ZGRF1: variants seen among roughly 807,000 people sequenced by gnomAD.
ZGRF1 encodes the protein 5'-3' DNA helicase ZGRF1.
A neutral mutation model predicts 203.5 loss-of-function variants in ZGRF1; 196 were observed. The observed-to-expected ratio is 0.96, with a 90% CI of 0.86 to 1.08. The LOEUF is 1.08. ZGRF1 is among the 50% of genes least tolerant of loss of function. The probability of loss-of-function intolerance (pLI) is 0.00; values close to 1 mark genes in which losing one functional copy is unlikely to be tolerated. For missense variants in ZGRF1, 2,326 were observed against 2,416.3 expected (o/e 0.96, Z 0.78); for synonymous variants, 809 against 841.3 (o/e 0.96, Z 0.66).
rs748122325 is a variant in ZGRF1 at position 112,584,007 on chromosome 4, T to C, written c.4269A>G (p.Pro1423=). ...IGLYLRSQKI[P]LYEECQLLVR... ...CCAAAAGCTGGCATTCCTCATAAAG[T>C]GGTATCTTTTGACTTCTTAAATATA... is the stretch of plus-strand genomic sequence containing the variant. The change falls in exon 15 of 28, where the codon CCA becomes CCG. Residue 1423 remains proline, a synonymous_variant. Transcript: ENST00000505019. The C allele has an allele frequency of 1.2e-6, 2 of 1,607,772 alleles. No individual in the cohort carries two copies. Among genetic ancestry groups the C allele is most frequent in the Non-Finnish European group, 1.7e-6 (2 of 1,178,152 alleles).
intron 2 of ZGRF1, among the ~76,000 whole-genome samples, chr4:112,632,906 ATT>A (rs935318381): frequency 7.2e-5 from 11 of 152,240 alleles, no homozygotes; most frequent in African/African-American, 2.7e-4. Flanking sequence ...AAAAGTGATG[ATT>A]TTGTGTAACA....
chr4:112,565,242 C>A, intron 16 of ZGRF1: 4 of 1,593,820 alleles, frequency 2.5e-6, no homozygotes, highest in South Asian at 2.2e-5. Context: ...ATCTGCACTT[C>A]CAGAGCGCAG....
chr4:112,609,284 AC>A, intron 8 of ZGRF1, 94 bp downstream of exon 8: 1 of 446,494 alleles, frequency 2.2e-6, no homozygotes, highest in Non-Finnish European at 4.1e-6. Context: ...CTATCTCCTG[AC>A]CTTGTGATCC....
intron 2 of ZGRF1, among the ~76,000 whole-genome samples, chr4:112,632,587 T>C (rs548306113): frequency 5.3e-5 from 8 of 152,378 alleles, no homozygotes; most frequent in African/African-American, 7.2e-5. Context: ...AATCTGAATG[T>C]AGAAGAAACA....
chr4:112,565,285 T>C lies in ZGRF1; in HGVS notation c.4439-2011A>G, dbSNP rs796548945. 10 of 1,541,528 alleles carry C rather than the reference T, an allele frequency of 6.5e-6. No individual in the cohort carries two copies. The African/African-American group carries it at 1.1e-4, about 17-fold the overall frequency. On this transcript the variant is annotated intron_variant, in intron 16 of 27. Transcript: ENST00000505019. ...TGCTTTGCAGGAGGCAAGTGAGGCC[T>C]ATCTGGTTGGCCTTTTTGAAGACAC...
intron 3 of ZGRF1, among the ~76,000 whole-genome samples, chr4:112,625,704 C>T (rs1306435357): frequency 2.6e-5 from 4 of 151,748 alleles, no homozygotes; most frequent in African/African-American, 4.8e-5. Context: ...CGAGACCAGC[C>T]TGACCAACAC....
At chr4:112,544,972 C>A (rs1251989248) in intron 24 of ZGRF1, among the ~76,000 whole-genome samples, 1 of 152,046 alleles carries the variant, frequency 6.6e-6, no homozygotes, top group Non-Finnish European at 1.5e-5. Context: ...TTATCTCAAA[C>A]CATGTACAAA....
At chr4:112,634,940 A>C (rs574656527) in intron 1 of ZGRF1, among the ~76,000 whole-genome samples, 1 of 151,252 alleles carries the variant, frequency 6.6e-6, no homozygotes, top group South Asian at 2.1e-4. Flanking sequence ...GACCAGCCTG[A>C]CCAACATGGT....
At chr4:112,604,726 T>C (rs1487190505) in intron 9 of ZGRF1, among the ~76,000 whole-genome samples, 3 of 152,194 alleles carry the variant, frequency 2.0e-5, no homozygotes, top group Admixed American at 6.5e-5. Flanking sequence ...AATGTAGACA[T>C]GTTCCTTAGA....
chr4:112,581,867 T>A, intron 15 of ZGRF1, 65 bp from the exon 16 acceptor site: 1 of 789,920 alleles, frequency 1.3e-6, no homozygotes, highest in Non-Finnish European at 1.8e-6. Flanking sequence ...TGAAAATCTT[T>A]AAAATACAGT....
Position 112,593,556 on chromosome 4 carries a change from T to C in ZGRF1, c.2977-3682A>G, listed in dbSNP as rs547124726. Among the ~76,000 whole-genome samples, 13 of 152,332 alleles carry C rather than the reference T, an allele frequency of 8.5e-5. No homozygotes were observed. The East Asian group carries it at 2.5e-3, about 29-fold the overall frequency. ...TTCTGAACCTGGCCTGAAGACTCTA[T>C]GTCTATGTCTGGCCCAGCTGACCTG... On this transcript the variant is annotated intron_variant, in intron 10 of 27. Transcript: ENST00000505019.
rs751896334 is a variant in ZGRF1 at position 112,539,628 on chromosome 4, T to C, written c.6234A>G (p.Lys2078=). The stretch of plus-strand genomic sequence containing the variant: ...CTTCCACTTGTTTTTCAAAATAATC[T>C]TTAAGGAGATGGTTCAGCTGTGGTT... The part of the protein sequence containing the change: ...QYEPQLNHLL[K]DYFEKQVEEK... The change falls in exon 28 of 28, where the codon AAA becomes AAG. Residue 2078 remains lysine, a synonymous_variant. Coordinates refer to ENST00000505019, the MANE Select transcript of ZGRF1 (RefSeq NM_018392.5). 1.2e-6 allele frequency: 2 copies of C among 1,602,510 alleles called. No homozygotes were observed. The highest frequency in any genetic ancestry group is 1.7e-6 in the Non-Finnish European group (2 of 1,173,588).
At chr4:112,612,389 A>G (rs910494680) in intron 7 of ZGRF1, 135 bp downstream of exon 7, 6 of 560,180 alleles carry the variant, frequency 1.1e-5, no homozygotes, top group Non-Finnish European at 1.9e-5. Flanking sequence ...TGAGGAAGGC[A>G]ATGAAAAATT....
At chr4:112,633,279 T>A (rs1455758422) in intron 1 of ZGRF1, 37 bp from the exon 2 acceptor site, 1 of 924,324 alleles carries the variant, frequency 1.1e-6, no homozygotes, top group African/African-American at 1.7e-5. Context: ...CAACCCTGAT[T>A]TTTAAAAAAT....
chr4:112,557,177 T>C (rs1741094727), intron 20 of ZGRF1, among the ~76,000 whole-genome samples: 2 of 144,184 alleles, frequency 1.4e-5, no homozygotes, highest in South Asian at 4.5e-4. Flanking sequence ...TTCTTCTTCT[T>C]TTTTTTTTTT....
At chr4:112,600,621 G>A (rs1749801619) in intron 10 of ZGRF1, among the ~76,000 whole-genome samples, 1 of 152,078 alleles carries the variant, frequency 6.6e-6, no homozygotes, top group Non-Finnish European at 1.5e-5. Flanking sequence ...AACCCAGGAG[G>A]CGGAGTGTTG....
At chr4:112,624,614 T>C (rs6855017) in intron 3 of ZGRF1, among the ~76,000 whole-genome samples, 26,662 of 152,000 alleles carry the variant, frequency 0.18, 2,500 homozygotes, top group East Asian at 0.29. Context: ...GAGGATAAGA[T>C]AATTATTTAT....
At chr4:112,580,992 A>G (rs1395932631) in intron 16 of ZGRF1, among the ~76,000 whole-genome samples, 1 of 152,146 alleles carries the variant, frequency 6.6e-6, no homozygotes, top group Non-Finnish European at 1.5e-5. Flanking sequence ...TGTTTATTGC[A>G]GCACTATTCA....
At chr4:112,582,915 T>C (rs1480993397) in intron 15 of ZGRF1, among the ~76,000 whole-genome samples, 1 of 152,216 alleles carries the variant, frequency 6.6e-6, no homozygotes, top group East Asian at 1.9e-4. Flanking sequence ...GTTGATTCCA[T>C]ATCTTGGCTA....
Sources: allele counts gnomAD v4.1 joint callset (sites outside exome capture counted in the v4.1 genomes callset), GRCh38; gene constraint gnomAD v4.1.1; transcripts MANE v1.5; gene names NCBI Gene and HGNC (gene_info 2026-07-23, HGNC 2026-07-21).